Variants in GALNT1 observed in about 807,000 individuals in gnomAD.
GALNT1 encodes the protein GalNAc transferase 1.
Under a neutral mutation model 65.7 loss-of-function variants are expected in GALNT1, and 17 were observed. That is an observed-to-expected ratio of 0.26 (90% CI 0.18 to 0.39). The LOEUF (loss-of-function observed/expected upper bound fraction) is 0.39. GALNT1 is among the 10% of genes least tolerant of loss of function. The pLI is 1.00. For synonymous variants in GALNT1, 210 were observed against 219.7 expected (o/e 0.96, Z 0.39); for missense variants, 460 against 672.8 (o/e 0.68, Z 3.50).
intron 1 of GALNT1, among the ~76,000 whole-genome samples, chr18:35,587,374 A>T (rs1293350273): frequency 1.3e-5 from 2 of 152,204 alleles, no homozygotes; most frequent in Non-Finnish European, 2.9e-5. Flanking sequence ...ACTGGCTGAA[A>T]TATCAGCACT....
intron 1 of GALNT1, among the ~76,000 whole-genome samples, chr18:35,623,661 A>C (rs1568017662): frequency 6.6e-6 from 1 of 152,080 alleles, no homozygotes; most frequent in Non-Finnish European, 1.5e-5. Context: ...AAATGGACTA[A>C]CCCTGTATTC....
At chr18:35,602,755 T>C (rs1414272868) in intron 1 of GALNT1, among the ~76,000 whole-genome samples, 1 of 152,210 alleles carries the variant, frequency 6.6e-6, no homozygotes, top group African/African-American at 2.4e-5. Flanking sequence ...CTGAATTGTT[T>C]TTCTGTGTTA....
At chr18:35,640,558 G>A (rs2047148065) in intron 1 of GALNT1, among the ~76,000 whole-genome samples, 1 of 152,182 alleles carries the variant, frequency 6.6e-6, no homozygotes, top group South Asian at 2.1e-4. Context: ...TCAGAATCAT[G>A]ACAACTTTTA....
At chr18:35,609,552 T>C (rs2046691312) in intron 1 of GALNT1, among the ~76,000 whole-genome samples, 1 of 152,182 alleles carries the variant, frequency 6.6e-6, no homozygotes, top group South Asian at 2.1e-4. Flanking sequence ...TGCATGATAG[T>C]TTACTTAGAT....
chr18:35,694,226 G>A (rs932517103), intron 9 of GALNT1, among the ~76,000 whole-genome samples: 3 of 152,212 alleles, frequency 2.0e-5, no homozygotes, highest in African/African-American at 7.2e-5. Context: ...TACAAGTCTT[G>A]CAAGGAATTT....
At chr18:35,686,368 G>A (rs2047868022) in intron 5 of GALNT1, among the ~76,000 whole-genome samples, 1 of 152,038 alleles carries the variant, frequency 6.6e-6, no homozygotes, top group African/African-American at 2.4e-5. Flanking sequence ...GCATTGATAC[G>A]GAACTGTAAA....
intron 1 of GALNT1, among the ~76,000 whole-genome samples, chr18:35,594,900 A>C (rs2046486805): frequency 6.6e-6 from 1 of 152,166 alleles, no homozygotes; most frequent in Non-Finnish European, 1.5e-5. Context: ...GAGACAGAGG[A>C]CAAATCAGGA....
chr18:35,660,612 C>T (rs868354420), intron 2 of GALNT1, among the ~76,000 whole-genome samples: 1 of 152,100 alleles, frequency 6.6e-6, no homozygotes, highest in Non-Finnish European at 1.5e-5. Context: ...AAAATTTTCA[C>T]AGAACCTACT....
chr18:35,664,664 A>G (rs1346639206), intron 3 of GALNT1: 1 of 152,236 alleles, frequency 6.6e-6, no homozygotes, highest in South Asian at 2.1e-4. Flanking sequence ...TATCAGCAAT[A>G]TATTAGTTAG....
intron 1 of GALNT1, among the ~76,000 whole-genome samples, chr18:35,641,449 C>T (rs1234128389): frequency 2.0e-5 from 3 of 152,054 alleles, no homozygotes; most frequent in Admixed American, 6.5e-5. Flanking sequence ...GTCTCCAAAA[C>T]GCTGGGAAAA....
At chr18:35,629,504 A>T (rs1395814676) in intron 1 of GALNT1, among the ~76,000 whole-genome samples, 2 of 152,188 alleles carry the variant, frequency 1.3e-5, no homozygotes, top group African/African-American at 4.8e-5. Context: ...TACTTTACAG[A>T]CAAGCAAATG....
chr18:35,587,867 GTC>G (rs2046396544), intron 1 of GALNT1, among the ~76,000 whole-genome samples: 1 of 152,246 alleles, frequency 6.6e-6, no homozygotes, highest in African/African-American at 2.4e-5. Flanking sequence ...TCAATTCAAT[GTC>G]TGTTTTTATT....
At chr18:35,633,829 T>C (rs2047054212) in intron 1 of GALNT1, among the ~76,000 whole-genome samples, 1 of 152,192 alleles carries the variant, frequency 6.6e-6, no homozygotes, top group Non-Finnish European at 1.5e-5. Flanking sequence ...ATTAGTACAC[T>C]CACTTCTGAT....
rs574379184 is a variant in GALNT1 at position 35,703,000 on chromosome 18, G to GTATC, written c.1398+7_1398+10dup. ...CATGGTATGGGGGGTAATCAGGTGA[G>GTATC]TATCTTAGAAAACTCTTAAAAGGGA... On this transcript the variant is annotated splice_donor_region_variant and intron_variant, in intron 10 of 11. Transcript: ENST00000269195. 672 of 1,556,212 alleles carry GTATC rather than the reference G, an allele frequency of 4.3e-4. 3 individuals carry two copies. In the Middle Eastern group the frequency reaches 7.2e-3, roughly 17 times the overall value.
intron 2 of GALNT1, among the ~76,000 whole-genome samples, chr18:35,656,000 C>T (rs2047379943): frequency 6.6e-6 from 1 of 152,180 alleles, no homozygotes; most frequent in Non-Finnish European, 1.5e-5. Flanking sequence ...TATAGCTCTG[C>T]TGTTGAGTAT....
chr18:35,592,040 C>T (rs958040278), intron 1 of GALNT1, among the ~76,000 whole-genome samples: 1 of 152,116 alleles, frequency 6.6e-6, no homozygotes, highest in Non-Finnish European at 1.5e-5. Flanking sequence ...ATAGTTGGAG[C>T]ACTGCATCTT....
chr18:35,647,605 A>C (rs961363036), intron 1 of GALNT1, among the ~76,000 whole-genome samples: 6 of 152,104 alleles, frequency 3.9e-5, no homozygotes, highest in African/African-American at 1.4e-4. Context: ...AAATAAATAG[A>C]TTTGTCGAAG....
At chr18:35,690,868 C>T in intron 7 of GALNT1, 144 bp from the exon 8 acceptor site, 1 of 614,900 alleles carries the variant, frequency 1.6e-6, no homozygotes, top group African/African-American at 1.9e-5. Context: ...AAGCTTTTTA[C>T]CAGTAACTAC....
chr18:35,657,346 A>G (rs1342704211), intron 2 of GALNT1, among the ~76,000 whole-genome samples: 1 of 152,180 alleles, frequency 6.6e-6, no homozygotes, highest in Non-Finnish European at 1.5e-5. Context: ...CACCTGCCTC[A>G]GCCTCCCAAA....
Sources: gnomAD v4.1 joint callset for allele counts (sites outside exome capture counted in the v4.1 genomes callset) on GRCh38, gnomAD v4.1.1 for gene constraint, MANE v1.5 for transcripts, NCBI Gene and HGNC (gene_info 2026-07-23, HGNC 2026-07-21) for gene names.